The following PTPN3 variants were observed in gnomAD, a reference collection of about 807,000 sequenced individuals.
PTPN3 encodes tyrosine-protein phosphatase non-receptor type 3.
A neutral mutation model predicts 132.7 loss-of-function variants in PTPN3; 96 were observed. The observed-to-expected ratio is 0.72, with a 90% CI of 0.61 to 0.86. PTPN3 has a LOEUF of 0.86. Among genes scored for constraint, PTPN3 ranks in the 40% least tolerant of loss-of-function variants. The pLI, the probability that PTPN3 is intolerant of heterozygous loss-of-function variation, is 0.00. For synonymous variants in PTPN3, 398 were observed against 429.0 expected, an observed-to-expected ratio of 0.93 and a Z score of 0.89; for missense variants, 1,125 against 1,159.6, an observed-to-expected ratio of 0.97 and a Z score of 0.43.
At chr9:109,492,314 A>C (rs10816821) in intron 1 of PTPN3, among the ~76,000 whole-genome samples, 128,333 of 152,036 alleles carry the variant, frequency 0.84, 54,236 homozygotes, top group South Asian at 0.94. Flanking sequence ...ACGCCAGGGG[A>C]CCCTCATCAG....
Position 109,379,732 on chromosome 9 carries a change from C to T in PTPN3, c.2665-99G>A, listed in dbSNP as rs551278096. The T allele has an allele frequency of 1.3e-4, 129 of 1,025,482 alleles. No homozygotes were observed. In the African/African-American group the frequency reaches 1.7e-3, roughly 14 times the overall value. The allele number at this position is 1,025,482 out of a possible 1,614,324, so 63.5% of individuals were successfully genotyped here. On this transcript the variant is annotated intron_variant, in intron 25 of 25. Coordinates refer to ENST00000374541, the MANE Select transcript of PTPN3 (RefSeq NM_002829.4). Reference sequence around the variant, plus strand: ...TCTTTTGCAGCATTTGTAAATATTCCCTGAGCGCCAACTCTGGGCCACAGG... The same window carrying T: ...TCTTTTGCAGCATTTGTAAATATTCTCTGAGCGCCAACTCTGGGCCACAGG...
At chr9:109,520,641 C>T in the PTPN3 span, among the ~76,000 whole-genome samples, 1 of 152,262 alleles carries the variant, frequency 6.6e-6, no homozygotes, top group East Asian at 1.9e-4. Flanking sequence ...GTATGTGGGA[C>T]AGTTTGTGTC....
intron 22 of PTPN3, among the ~76,000 whole-genome samples, chr9:109,383,921 C>T (rs1467042970): frequency 2.0e-5 from 3 of 152,102 alleles, no homozygotes; most frequent in Non-Finnish European, 1.5e-5. Flanking sequence ...CTCCAACGGC[C>T]CCTCCTCCTG....
rs1405861324 is a variant in PTPN3, at chr9:109,379,548, C to T, written c.*8G>A. On this transcript the variant is annotated 3_prime_UTR_variant, in exon 26 of 26. Transcript: ENST00000374541. Reference sequence around the variant, plus strand: ...TGGGAAAGAGGAATGAACTTTTTCACAGTTGTCTTAACTAGGATCCAGCAT... The same window carrying T: ...TGGGAAAGAGGAATGAACTTTTTCATAGTTGTCTTAACTAGGATCCAGCAT... 6.2e-7 allele frequency: 1 copy of T among 1,610,556 alleles called. No individual in the cohort carries two copies. The highest frequency in any genetic ancestry group is 8.5e-7 in the Non-Finnish European group (1 of 1,176,888).
intron 1 of PTPN3, among the ~76,000 whole-genome samples, chr9:109,493,876 T>A (rs1307156901): frequency 6.6e-6 from 1 of 152,216 alleles, no homozygotes; most frequent in African/African-American, 2.4e-5. Flanking sequence ...CACCTACTTG[T>A]ACCTGGGAGG....
intron 6 of PTPN3, among the ~76,000 whole-genome samples, chr9:109,445,531 T>C (rs748945598): frequency 3.9e-5 from 6 of 152,024 alleles, no homozygotes; most frequent in Non-Finnish European, 8.8e-5. Flanking sequence ...ACAAATACCA[T>C]GAAACTAAAG....
intron 12 of PTPN3, among the ~76,000 whole-genome samples, chr9:109,424,073 A>G (rs533027854): frequency 3.3e-5 from 5 of 152,340 alleles, no homozygotes; most frequent in Middle Eastern, 3.4e-3. Flanking sequence ...GATGAAGAGC[A>G]CAGGATCAAA....
chr9:109,493,025 G>A (rs187889888), intron 1 of PTPN3, among the ~76,000 whole-genome samples: 124 of 152,256 alleles, frequency 8.1e-4, no homozygotes, highest in African/African-American at 2.8e-3. Flanking sequence ...CAAGCAAAAT[G>A]TTTTAAATTT....
At chr9:109,463,997 ACTC>A (rs989596161) in intron 1 of PTPN3, among the ~76,000 whole-genome samples, 1 of 151,954 alleles carries the variant, frequency 6.6e-6, no homozygotes, top group African/African-American at 2.4e-5. Flanking sequence ...GTAACAGAAA[ACTC>A]CTTAGAAAAC....
intron 17 of PTPN3, among the ~76,000 whole-genome samples, 175 bp downstream of exon 17, chr9:109,408,146 G>T (rs906336353): frequency 6.6e-6 from 1 of 152,204 alleles, no homozygotes; most frequent in African/African-American, 2.4e-5. Context: ...GGTAACATGG[G>T]TGCTATGGCT....
intron 19 of PTPN3, among the ~76,000 whole-genome samples, chr9:109,391,766 G>GA (rs1417435678): frequency 1.2e-4 from 17 of 136,630 alleles, no homozygotes; most frequent in African/African-American, 4.5e-4. Flanking sequence ...TTTTTAATTT[G>GA]AAAAAATGCC....
At chr9:109,444,256 A>G (rs1318903374) in intron 7 of PTPN3, among the ~76,000 whole-genome samples, 1 of 152,204 alleles carries the variant, frequency 6.6e-6, no homozygotes, top group African/African-American at 2.4e-5. Flanking sequence ...TACTGCCACC[A>G]CAAAGCTAGC....
upstream of PTPN3, among the ~76,000 whole-genome samples, chr9:109,500,623 GAAA>G (rs34983104): frequency 7.2e-4 from 103 of 143,972 alleles, 1 homozygote; most frequent in African/African-American, 2.6e-3. Flanking sequence ...AATGTTAAAT[GAAA>G]AAAAAAAAAA....
intron 1 of PTPN3, among the ~76,000 whole-genome samples, chr9:109,468,866 G>A (rs1013506924): frequency 6.6e-6 from 1 of 152,208 alleles, no homozygotes; most frequent in African/African-American, 2.4e-5. Flanking sequence ...ATTGGGTGCT[G>A]TCTACAGATT....
chr9:109,399,657 T>C (rs1840900121), intron 19 of PTPN3, among the ~76,000 whole-genome samples: 1 of 148,928 alleles, frequency 6.7e-6, no homozygotes, highest in Admixed American at 6.6e-5. Context: ...GAATTCCCTT[T>C]ATGAAAAAAA....
rs1838644822 is a variant in PTPN3, at chr9:109,377,361, G to A, written c.*2195C>T. On this transcript the variant is annotated 3_prime_UTR_variant, in exon 26 of 26. Transcript: ENST00000374541. ...AGATCACTTGAGGCCAGGAGTTTGA[G>A]ACCAGCCTAGGCAACACATCAAGAT... 1 of 151,224 alleles carries A rather than the reference G, an allele frequency of 6.6e-6. No homozygotes were observed. Among genetic ancestry groups the A allele is most frequent in the Non-Finnish European group, 1.5e-5 (1 of 68,546 alleles). The allele number at this position is 151,224 out of a possible 1,614,324, so 9.4% of individuals were successfully genotyped here.
the PTPN3 span, among the ~76,000 whole-genome samples, chr9:109,509,162 T>C: frequency 3.9e-5 from 6 of 152,364 alleles, 1 homozygote; most frequent in South Asian, 1.2e-3. Flanking sequence ...TTAAAAAGTC[T>C]GTAAAATCCC....
At chr9:109,404,666 T>C in intron 18 of PTPN3, 58 bp from the exon 19 acceptor site, 1 of 1,353,086 alleles carries the variant, frequency 7.4e-7, no homozygotes, top group African/African-American at 1.4e-5. Flanking sequence ...TTTATCCGTC[T>C]CCCTCAAACA....
Position 109,393,457 on chromosome 9 carries a change from C to T in PTPN3, c.1954-1896G>A, listed in dbSNP as rs1419069853. 3.4e-5 allele frequency among the ~76,000 whole-genome samples: 5 copies of T among 146,732 alleles called. No homozygotes were observed. In the Admixed American group the frequency reaches 3.5e-4, roughly 10 times the overall value. ...CTGGAGTGAAGTGGTGCGATCTCGG[C>T]TCACTGTAACCTCCATCCCCTGGGG... On this transcript the variant is annotated intron_variant, in intron 19 of 25. Coordinates refer to ENST00000374541, the MANE Select transcript of PTPN3 (RefSeq NM_002829.4).
Sources: allele counts gnomAD v4.1 joint callset (sites outside exome capture counted in the v4.1 genomes callset), GRCh38; gene constraint gnomAD v4.1.1; transcripts MANE v1.5; gene names NCBI Gene and HGNC (gene_info 2026-07-23, HGNC 2026-07-21).